STAG1: variants seen among roughly 807,000 people sequenced by gnomAD.
The protein encoded by STAG1 is cohesin subunit SA-1.
Under a neutral mutation model 170.9 loss-of-function variants are expected in STAG1, and 26 were observed. That is an observed-to-expected ratio of 0.15 (90% CI 0.11 to 0.21). The LOEUF is 0.21. Ranked by LOEUF, STAG1 falls within the 10% of genes least tolerant of loss-of-function variation. The pLI is 1.00. For missense variants in STAG1, 964 were observed against 1,509.5 expected (o/e 0.64, Z 5.99); for synonymous variants, 514 against 497.7 (o/e 1.03, Z -0.44).
intron 5 of STAG1, among the ~76,000 whole-genome samples, chr3:136,564,999 AAGGAAGGAAGGAAGGC>A (rs1470282957): frequency 5.1e-5 from 4 of 78,332 alleles, no homozygotes; most frequent in African/African-American, 1.7e-4. Context: ...GGAAGGAAGG[AAGGAAGGAAGGAAGGC>A]AGGCAGGCAG....
chr3:136,527,616 C>T (rs1021365993), intron 6 of STAG1, among the ~76,000 whole-genome samples: 2 of 152,164 alleles, frequency 1.3e-5, no homozygotes, highest in African/African-American at 2.4e-5. Flanking sequence ...CGCTTTGTTC[C>T]GTTACTGACG....
chr3:136,644,051 GC>G (rs1459205357), intron 1 of STAG1, among the ~76,000 whole-genome samples: 1 of 152,002 alleles, frequency 6.6e-6, no homozygotes, highest in African/African-American at 2.4e-5. Flanking sequence ...GTGAGCATTT[GC>G]TTATCACAAA....
intron 6 of STAG1, among the ~76,000 whole-genome samples, chr3:136,535,549 G>C (rs974047368): frequency 6.6e-6 from 1 of 152,216 alleles, no homozygotes; most frequent in African/African-American, 2.4e-5. Flanking sequence ...TGTAATCCCA[G>C]CTACTTGGGT....
chr3:136,667,947 G>C (rs577460576), intron 1 of STAG1, among the ~76,000 whole-genome samples: 1 of 152,194 alleles, frequency 6.6e-6, no homozygotes, highest in Non-Finnish European at 1.5e-5. Context: ...CAGCACTTTG[G>C]GAAGCTGAGG....
In STAG1 at chr3:136,578,490, T is replaced by C. The variant is rs571600716; in HGVS notation, c.298-9629A>G. On this transcript the variant is annotated intron_variant, in intron 4 of 33. Transcript: ENST00000383202. ...ACTCTCACCAGTCTCCAGACCTGTC[T>C]CAGTTCACAGACCCAGAGCCCCCTG... Among the ~76,000 whole-genome samples, 243 of 152,300 alleles carry C rather than the reference T, an allele frequency of 1.6e-3. 1 individual carries two copies. Among genetic ancestry groups the C allele is most frequent in the Non-Finnish European group, 2.9e-3 (195 of 68,018 alleles).
chr3:136,418,474 G>T (rs1158073674), intron 20 of STAG1, among the ~76,000 whole-genome samples: 1 of 132,442 alleles, frequency 7.6e-6, no homozygotes, highest in African/African-American at 2.9e-5. Context: ...AAATTTGAAA[G>T]AAAGGTAGAA....
In STAG1 at chr3:136,464,804, C is replaced by T; in HGVS notation, c.1313+77G>A. ...TCAGCACTGTGTTCAGTCACTATTA[C>T]TCTCTTCTACAAACTCTAAAACAAC... On this transcript the variant is annotated intron_variant, in intron 13 of 33. Coordinates refer to ENST00000383202, the MANE Select transcript of STAG1 (RefSeq NM_005862.3). 4 of 1,237,466 alleles carry T rather than the reference C, an allele frequency of 3.2e-6. No individual in the cohort carries two copies. In the South Asian group the frequency reaches 5.6e-5, roughly 17 times the overall value. The allele number at this position is 1,237,466 out of a possible 1,614,324, so 76.7% of individuals were successfully genotyped here.
chr3:136,618,472 G>A (rs1939694909), intron 3 of STAG1, among the ~76,000 whole-genome samples: 1 of 152,144 alleles, frequency 6.6e-6, no homozygotes, highest in Non-Finnish European at 1.5e-5. Flanking sequence ...TATTTCTTTT[G>A]CAGCACTGAA....
At chr3:136,440,167 TCA>T (rs1456726768) in intron 15 of STAG1, among the ~76,000 whole-genome samples, 1 of 152,156 alleles carries the variant, frequency 6.6e-6, no homozygotes, top group Non-Finnish European at 1.5e-5. Context: ...AGATGGAGTC[TCA>T]CACTGTCACC....
chr3:136,629,870 T>A (rs545139233), intron 2 of STAG1, among the ~76,000 whole-genome samples: 2 of 152,284 alleles, frequency 1.3e-5, no homozygotes, highest in South Asian at 4.1e-4. Flanking sequence ...ATATCTGCCA[T>A]TCCTGTGATC....
chr3:136,631,008 T>G (rs1449372600), intron 1 of STAG1, 27 bp from the exon 2 acceptor site: 1 of 1,104,540 alleles, frequency 9.1e-7, no homozygotes. Flanking sequence ...AGAAATTATT[T>G]TAAAATAAAA....
chr3:136,452,414 A>T (rs973130457), intron 13 of STAG1, among the ~76,000 whole-genome samples: 2 of 151,880 alleles, frequency 1.3e-5, no homozygotes, highest in African/African-American at 2.4e-5. Flanking sequence ...AATACAAAAA[A>T]TTAGCCGGGC....
At chr3:136,599,441 G>A (rs1429361711) in intron 4 of STAG1, among the ~76,000 whole-genome samples, 1 of 152,170 alleles carries the variant, frequency 6.6e-6, no homozygotes, top group African/African-American at 2.4e-5. Context: ...TGAAGCAGGA[G>A]AGTGGTGTGA....
chr3:136,446,637 G>A (rs1245297073), intron 14 of STAG1, among the ~76,000 whole-genome samples: 1 of 151,998 alleles, frequency 6.6e-6, no homozygotes, highest in African/African-American at 2.4e-5. Flanking sequence ...TGGCCAGGCT[G>A]GTCCTGAACT....
At chr3:136,355,034 T>C (rs1391236211) in intron 28 of STAG1, among the ~76,000 whole-genome samples, 1 of 151,790 alleles carries the variant, frequency 6.6e-6, no homozygotes, top group Non-Finnish European at 1.5e-5. Flanking sequence ...AAGACTCAAC[T>C]GGTCAGGAAG....
intron 22 of STAG1, among the ~76,000 whole-genome samples, chr3:136,381,037 G>GAAAAAAAAAAAAAA (rs58810961): frequency 1.9e-5 from 2 of 105,040 alleles, no homozygotes; most frequent in African/African-American, 3.6e-5. Context: ...AAAAAAAAAA[G>GAAAAAAAAAAAAAA]AAAAAAAAAA....
intron 7 of STAG1, among the ~76,000 whole-genome samples, chr3:136,518,840 C>T (rs1455681671): frequency 6.6e-6 from 1 of 151,942 alleles, no homozygotes; most frequent in Non-Finnish European, 1.5e-5. Context: ...AAAACAAAAT[C>T]ACATTCATCA....
chr3:136,629,531 G>A (rs1940243859), intron 2 of STAG1, among the ~76,000 whole-genome samples: 1 of 151,518 alleles, frequency 6.6e-6, no homozygotes, highest in Non-Finnish European at 1.5e-5. Context: ...TCAGGTACAG[G>A]GGTAAAAAAG....
At chr3:136,720,210 T>C (rs1001495686) in intron 1 of STAG1, among the ~76,000 whole-genome samples, 2 of 148,958 alleles carry the variant, frequency 1.3e-5, no homozygotes, top group East Asian at 3.9e-4. Flanking sequence ...AAGTGAACAC[T>C]GAGCATTAAA....
Sources: allele counts gnomAD v4.1 joint callset (sites outside exome capture counted in the v4.1 genomes callset), GRCh38; gene constraint gnomAD v4.1.1; transcripts MANE v1.5; gene names NCBI Gene and HGNC (gene_info 2026-07-23, HGNC 2026-07-21).